The following SIRT4 variants were observed in gnomAD, a reference collection of about 807,000 sequenced individuals.
The protein encoded by SIRT4 is NAD-dependent protein lipoamidase sirtuin-4, mitochondrial.
SIRT4 carries 23 observed loss-of-function variants against 26.1 expected under a neutral mutation model. The observed-to-expected ratio is 0.88, with a 90% CI of 0.63 to 1.25. The LOEUF is 1.25. Among genes scored for constraint, SIRT4 ranks in the 50% most tolerant of loss-of-function variants. The pLI is 0.00. For synonymous variants in SIRT4, 155 were observed against 158.4 expected, an observed-to-expected ratio of 0.98 and a Z score of 0.16; for missense variants, 361 against 405.4, an observed-to-expected ratio of 0.89 and a Z score of 0.94.
At chr12:120,307,090 A>C (rs1234490792) in intron 2 of SIRT4, among the ~76,000 whole-genome samples, 4 of 152,354 alleles carry the variant, frequency 2.6e-5, no homozygotes, top group Admixed American at 2.6e-4. Flanking sequence ...GGCTGAAGTC[A>C]GTCTGCCAAT....
At chr12:120,306,488 A>AC (rs970515244) in intron 2 of SIRT4, among the ~76,000 whole-genome samples, 3 of 150,970 alleles carry the variant, frequency 2.0e-5, no homozygotes, top group Non-Finnish European at 2.9e-5. Context: ...GTCAAAAAAA[A>AC]AAACAAACAA....
intron 2 of SIRT4, among the ~76,000 whole-genome samples, chr12:120,311,824 A>G (rs1473318879): frequency 6.6e-6 from 1 of 150,928 alleles, no homozygotes; most frequent in Non-Finnish European, 1.5e-5. Context: ...GAAGCATTTT[A>G]GAAGGAATGG....
chr12:120,294,493 G>GT, the SIRT4 span, among the ~76,000 whole-genome samples: 29 of 152,188 alleles, frequency 1.9e-4, no homozygotes, highest in Middle Eastern at 3.4e-3. Flanking sequence ...CTGGCCTCAG[G>GT]TGATCCACCC....
intron 2 of SIRT4, among the ~76,000 whole-genome samples, chr12:120,310,470 C>T (rs574508005): frequency 1.2e-4 from 18 of 151,978 alleles, no homozygotes; most frequent in East Asian, 5.8e-4. Flanking sequence ...TCTTGCTTTA[C>T]GCTCCCAAAG....
At chr12:120,306,206 T>C (rs1252303790) in intron 2 of SIRT4, among the ~76,000 whole-genome samples, 1 of 151,690 alleles carries the variant, frequency 6.6e-6, no homozygotes, top group African/African-American at 2.4e-5. Flanking sequence ...CTGGGCACGG[T>C]GGCTCGCGCC....
intron 2 of SIRT4, among the ~76,000 whole-genome samples, chr12:120,310,110 G>T (rs2522129): frequency 0.21 from 32,433 of 151,814 alleles, 4,358 homozygotes; most frequent in African/African-American, 0.39. Flanking sequence ...TAGAACTCCT[G>T]GGTAATTAGA....
the SIRT4 span, among the ~76,000 whole-genome samples, chr12:120,292,262 T>G: frequency 6.6e-6 from 1 of 151,004 alleles, no homozygotes; most frequent in Non-Finnish European, 1.5e-5. Context: ...AACAGCAGGG[T>G]GGGGGGAGTT....
Position 120,312,435 on chromosome 12 carries a change from CAGCGTCTTCCTT to C in SIRT4, c.498-20_498-9del. ...GCCTCCCAAGGGCATACTGTTCAGT[CAGCGTCTTCCTT>C]GGTTCCAGGGTCCTGTGCTTGGATT... is the stretch of plus-strand genomic sequence containing the variant. On this transcript the variant is annotated splice_polypyrimidine_tract_variant and intron_variant, in intron 2 of 3. Coordinates refer to ENST00000202967, the MANE Select transcript of SIRT4 (RefSeq NM_012240.3). 3 of 1,588,934 alleles carry C rather than the reference CAGCGTCTTCCTT, an allele frequency of 1.9e-6. No individual in the cohort carries two copies. The South Asian group carries it at 3.4e-5, about 18-fold the overall frequency.
chr12:120,304,819 ATATATATATATATATATTTTTTTTTT>A (rs1210545515), intron 2 of SIRT4, among the ~76,000 whole-genome samples: 2,533 of 11,456 alleles, frequency 0.22, 65 homozygotes, highest in Non-Finnish European at 0.25. Flanking sequence ...ATATATATAT[ATATATATATATATATATTTTTTTTTT>A]TTTTTTTTTT....
At chr12:120,298,913 A>G (rs867113238), upstream of SIRT4, among the ~76,000 whole-genome samples, 1 of 140,322 alleles carries the variant, frequency 7.1e-6, no homozygotes, top group South Asian at 2.4e-4. Context: ...CTCAAAAAAT[A>G]AATAAATAAA....
Position 120,303,982 on chromosome 12 carries a change from G to T in SIRT4, c.421G>T (p.Val141Leu). The T allele has an allele frequency of 1.2e-6, 2 of 1,614,118 alleles. No homozygotes were observed. Among genetic ancestry groups the T allele is most frequent in the Non-Finnish European group, 1.7e-6 (2 of 1,180,036 alleles). ...WEKLGKLYWL[V>L]TQNVDALHTK... is the part of the protein sequence containing the mutation. Reference sequence around the variant, plus strand: ...GAAACTCGGAAAGCTGTACTGGTTGGTGACCCAAAATGTGGATGCTTTGCA... The same window carrying T: ...GAAACTCGGAAAGCTGTACTGGTTGTTGACCCAAAATGTGGATGCTTTGCA... The change falls in exon 2 of 4, where the codon GTG (valine) becomes TTG (leucine). Residue 141 changes from valine (V) to leucine (L), a missense_variant. Coordinates refer to ENST00000202967, the MANE Select transcript of SIRT4 (RefSeq NM_012240.3).
intron 2 of SIRT4, among the ~76,000 whole-genome samples, chr12:120,311,644 AGAAT>A (rs1159040217): frequency 6.9e-6 from 1 of 144,580 alleles, no homozygotes; most frequent in Non-Finnish European, 1.5e-5. Context: ...CTGAGGCAGG[AGAAT>A]CGCTTGAGAC....
At chr12:120,312,435 C>G (rs775854345) in intron 2 of SIRT4, 21 bp from the exon 3 acceptor site, 1 of 1,588,934 alleles carries the variant, frequency 6.3e-7, no homozygotes, top group South Asian at 1.1e-5. Context: ...ACTGTTCAGT[C>G]AGCGTCTTCC....
At chr12:120,302,923 A>G (rs1311945035) in intron 1 of SIRT4, among the ~76,000 whole-genome samples, 1 of 150,436 alleles carries the variant, frequency 6.6e-6, no homozygotes, top group Non-Finnish European at 1.5e-5. Context: ...GGGTTTCACC[A>G]TGTTGGCCAG....
chr12:120,307,626 G>A (rs913667045), intron 2 of SIRT4, among the ~76,000 whole-genome samples: 3 of 152,152 alleles, frequency 2.0e-5, no homozygotes, highest in African/African-American at 7.2e-5. Flanking sequence ...TTGGGAGGCC[G>A]AGGCAGGGGA....
intron 2 of SIRT4, among the ~76,000 whole-genome samples, chr12:120,308,598 T>C (rs561865838): frequency 7.0e-4 from 106 of 152,096 alleles, no homozygotes; most frequent in Admixed American, 2.0e-3. Context: ...CTGGCCTCTG[T>C]AGAGGTTTGG....
At chr12:120,306,488 AAAAC>A (rs1872751400) in intron 2 of SIRT4, among the ~76,000 whole-genome samples, 2 of 151,090 alleles carry the variant, frequency 1.3e-5, no homozygotes, top group Non-Finnish European at 3.0e-5. Flanking sequence ...GTCAAAAAAA[AAAAC>A]AAACAAAAAA....
the SIRT4 span, among the ~76,000 whole-genome samples, chr12:120,292,566 C>A: frequency 6.6e-6 from 1 of 152,234 alleles, no homozygotes; most frequent in Non-Finnish European, 1.5e-5. Flanking sequence ...CGCGCCAGTG[C>A]ACTCCAGCCT....
intron 2 of SIRT4, among the ~76,000 whole-genome samples, chr12:120,306,410 G>T (rs1414992706): frequency 2.0e-5 from 3 of 152,070 alleles, no homozygotes; most frequent in Non-Finnish European, 4.4e-5. Context: ...AAGAGGCGGA[G>T]GTTGCGGTGA....
Sources: gnomAD v4.1 joint callset for allele counts (sites outside exome capture counted in the v4.1 genomes callset) on GRCh38, gnomAD v4.1.1 for gene constraint, MANE v1.5 for transcripts, NCBI Gene and HGNC (gene_info 2026-07-23, HGNC 2026-07-21) for gene names.